ALK: variants seen among roughly 807,000 people sequenced by gnomAD.
ALK encodes the protein ALK receptor tyrosine kinase.
A neutral mutation model predicts 163.1 loss-of-function variants in ALK; 74 were observed. That is an observed-to-expected ratio of 0.45 (90% CI 0.38 to 0.55). The LOEUF (loss-of-function observed/expected upper bound fraction) is 0.55. Among genes scored for constraint, ALK ranks in the 20% least tolerant of loss-of-function variants. ALK has a pLI of 0.00. For missense variants in ALK, 2,063 were observed against 2,105.3 expected (o/e 0.98, Z 0.39); for synonymous variants, 960 against 843.2 (o/e 1.14, Z -2.40).
intron 8 of ALK, among the ~76,000 whole-genome samples, chr2:29,313,564 A>G (rs1470571381): frequency 6.6e-6 from 1 of 152,136 alleles, no homozygotes; most frequent in Non-Finnish European, 1.5e-5. Context: ...TGAAGCTCTC[A>G]TCAACTCTCC....
intron 3 of ALK, among the ~76,000 whole-genome samples, chr2:29,597,639 C>G (rs1349321226): frequency 1.3e-5 from 2 of 152,162 alleles, no homozygotes; most frequent in Admixed American, 6.5e-5. Flanking sequence ...CAATTTTGTC[C>G]ATTTAGGAAA....
chr2:29,340,612 T>C (rs1379575806), intron 5 of ALK, among the ~76,000 whole-genome samples: 1 of 152,222 alleles, frequency 6.6e-6, no homozygotes, highest in South Asian at 2.1e-4. Flanking sequence ...TCACCACTGA[T>C]TGAGTGCTTA....
At chr2:29,470,387 T>C (rs903665725) in intron 4 of ALK, among the ~76,000 whole-genome samples, 1 of 152,082 alleles carries the variant, frequency 6.6e-6, no homozygotes, top group African/African-American at 2.4e-5. Context: ...TCTCTGTGAG[T>C]CCCACATAGA....
Position 29,618,655 on chromosome 2 carries a change from C to T in ALK, c.952+76195G>A, listed in dbSNP as rs192450089. On this transcript the variant is annotated intron_variant, in intron 3 of 28. Transcript: ENST00000389048. ...GCTGCCCACGCTACAGACTAGGTGGCTACTACCCGTGATATGCAAAACCAA... is the reference window on the plus strand; with the variant it reads ...GCTGCCCACGCTACAGACTAGGTGGTTACTACCCGTGATATGCAAAACCAA... Among the ~76,000 whole-genome samples the T allele has an allele frequency of 8.2e-4, 125 of 152,254 alleles. 1 individual carries two copies. The highest frequency in any genetic ancestry group is 1.4e-3 in the Non-Finnish European group (93 of 68,006).
At chr2:29,413,773 C>T (rs1400075954) in intron 4 of ALK, among the ~76,000 whole-genome samples, 1 of 151,964 alleles carries the variant, frequency 6.6e-6, no homozygotes, top group Non-Finnish European at 1.5e-5. Flanking sequence ...CCTCAGGTGA[C>T]CCACCTGCCT....
intron 5 of ALK, among the ~76,000 whole-genome samples, chr2:29,329,975 C>T (rs537413461): frequency 2.0e-5 from 3 of 152,334 alleles, no homozygotes; most frequent in East Asian, 1.9e-4. Flanking sequence ...AAGGTGCCCT[C>T]TCCATCTCAC....
At chr2:29,873,770 T>C (rs1234104040) in intron 1 of ALK, among the ~76,000 whole-genome samples, 3 of 151,912 alleles carry the variant, frequency 2.0e-5, no homozygotes, top group Admixed American at 6.6e-5. Context: ...TCCTCTGATA[T>C]GAAAATGCCA....
chr2:29,477,188 C>G (rs1671547388), intron 4 of ALK, among the ~76,000 whole-genome samples: 1 of 152,090 alleles, frequency 6.6e-6, no homozygotes, highest in Non-Finnish European at 1.5e-5. Context: ...GGTGGAAGGT[C>G]TGAGTGGGTC....
intron 9 of ALK, among the ~76,000 whole-genome samples, chr2:29,279,807 C>G (rs1665659964): frequency 6.6e-6 from 1 of 152,218 alleles, no homozygotes; most frequent in African/African-American, 2.4e-5. Flanking sequence ...TACCATGTCA[C>G]TCTCCAGAGT....
chr2:29,724,077 G>C (rs1038237653), intron 1 of ALK, among the ~76,000 whole-genome samples: 1 of 152,106 alleles, frequency 6.6e-6, no homozygotes, highest in African/African-American at 2.4e-5. Flanking sequence ...TCATACTTGT[G>C]TCAGTATAAG....
chr2:29,674,706 G>T (rs879769002), intron 3 of ALK, among the ~76,000 whole-genome samples: 1 of 150,642 alleles, frequency 6.6e-6, no homozygotes, highest in African/African-American at 2.4e-5. Context: ...AGTTAGGGAG[G>T]ATTCCCTCTT....
At chr2:29,388,311 C>T (rs1669082081) in intron 4 of ALK, among the ~76,000 whole-genome samples, 2 of 152,190 alleles carry the variant, frequency 1.3e-5, no homozygotes, top group Admixed American at 1.3e-4. Context: ...TGGCAGTTGA[C>T]AAGACAGGGA....
intron 4 of ALK, among the ~76,000 whole-genome samples, chr2:29,428,617 T>C (rs974900845): frequency 1.3e-5 from 2 of 151,936 alleles, no homozygotes; most frequent in Admixed American, 1.3e-4. Flanking sequence ...AAGATTAAAT[T>C]AGTAATTAAA....
rs1320162928 is a variant in ALK at position 29,333,068 on chromosome 2, C to T, written c.1283-4587G>A. The stretch of plus-strand genomic sequence containing the variant: ...ATTTTTAACTAAAGGTATCCCTCTG[C>T]TGTTTTATTTTGGATTTCTTTGATA... On this transcript the variant is annotated intron_variant, in intron 5 of 28. Coordinates refer to ENST00000389048, the MANE Select transcript of ALK (RefSeq NM_004304.5). Among the ~76,000 whole-genome samples the T allele has an allele frequency of 2.0e-5, 3 of 152,216 alleles. No homozygotes were observed. In the East Asian group the frequency reaches 5.8e-4, roughly 29 times the overall value.
chr2:29,817,798 C>A (rs1374075530), intron 1 of ALK, among the ~76,000 whole-genome samples: 1 of 152,170 alleles, frequency 6.6e-6, no homozygotes, highest in African/African-American at 2.4e-5. Context: ...AAAGAGCCCC[C>A]TGATGCGGAA....
intron 1 of ALK, among the ~76,000 whole-genome samples, chr2:29,773,902 G>C (rs756964960): frequency 2.0e-5 from 3 of 152,156 alleles, no homozygotes; most frequent in Non-Finnish European, 2.9e-5. Context: ...CTTAGAACTG[G>C]GATGGTGCCA....
At chr2:29,607,897 T>A (rs1337114117) in intron 3 of ALK, among the ~76,000 whole-genome samples, 1 of 152,122 alleles carries the variant, frequency 6.6e-6, no homozygotes, top group Non-Finnish European at 1.5e-5. Context: ...TCAGTAGACC[T>A]TCACCTGTAG....
At chr2:29,788,656 AACTG>A (rs2148355755) in intron 1 of ALK, among the ~76,000 whole-genome samples, 1 of 152,330 alleles carries the variant, frequency 6.6e-6, no homozygotes, top group East Asian at 1.9e-4. Context: ...CAGTAAGACT[AACTG>A]ACTGTCATAA....
At chr2:29,533,206 T>C (rs1034370502) in intron 3 of ALK, among the ~76,000 whole-genome samples, 11 of 152,180 alleles carry the variant, frequency 7.2e-5, no homozygotes. Context: ...TCTGTACTTG[T>C]TGGGAAGCTT....
Sources: allele counts gnomAD v4.1 joint callset (sites outside exome capture counted in the v4.1 genomes callset), GRCh38; gene constraint gnomAD v4.1.1; transcripts MANE v1.5; gene names NCBI Gene and HGNC (gene_info 2026-07-23, HGNC 2026-07-21).